Variants in PDLIM4 observed in about 807,000 individuals in gnomAD.
PDLIM4 encodes the protein PDZ and LIM domain protein 4.
Under a neutral mutation model 31.3 loss-of-function variants are expected in PDLIM4, and 19 were observed. The observed-to-expected ratio is 0.61, with a 90% CI of 0.42 to 0.89. PDLIM4 has a LOEUF of 0.89. Among genes scored for constraint, PDLIM4 ranks in the 40% least tolerant of loss-of-function variants. The probability of loss-of-function intolerance (pLI) is 0.00; values close to 1 mark genes in which losing one functional copy is unlikely to be tolerated. For synonymous variants in PDLIM4, 176 were observed against 190.1 expected (o/e 0.93, Z 0.61); for missense variants, 442 against 461.1 (o/e 0.96, Z 0.38).
chr5:132,260,673 G>T (rs966084058), intron 1 of PDLIM4, among the ~76,000 whole-genome samples: 1 of 152,180 alleles, frequency 6.6e-6, no homozygotes, highest in Non-Finnish European at 1.5e-5. Flanking sequence ...GAATCAGGTG[G>T]CCTGGATTGA....
At chr5:132,268,045 C>A (rs1756529204) in intron 3 of PDLIM4, among the ~76,000 whole-genome samples, 1 of 152,134 alleles carries the variant, frequency 6.6e-6, no homozygotes, top group Non-Finnish European at 1.5e-5. Context: ...GTTCAGTCTT[C>A]CAGGAGAGGC....
intron 1 of PDLIM4, 81 bp from the exon 2 acceptor site, chr5:132,262,528 A>G: frequency 7.7e-7 from 1 of 1,303,552 alleles, no homozygotes; most frequent in East Asian, 2.8e-5. Flanking sequence ...CTAGGTTCTG[A>G]GGTTGGAGGA....
In PDLIM4 at chr5:132,257,725, C is replaced by G. The variant is rs775082734; in HGVS notation, c.-10C>G. The G allele has an allele frequency of 1.6e-5, 24 of 1,464,758 alleles. No homozygotes were observed. In the South Asian group the frequency reaches 2.8e-4, roughly 17 times the overall value. 90.7% of individuals were successfully genotyped at this position (1,464,758 alleles called of 1,614,324 possible). On this transcript the variant is annotated 5_prime_UTR_variant, in exon 1 of 7. Coordinates refer to ENST00000253754, the MANE Select transcript of PDLIM4 (RefSeq NM_003687.4). The surrounding 1 kb of genome is among the most constrained non-coding windows in gnomAD (Gnocchi z 4.3). ...TCCGGCTCAGGCTCCGGCTGCGGCT[C>G]CAGCCCGCGATGCCCCATTCCGTGA...
At position 132,262,772 on chromosome 5, in the gene PDLIM4, TG is replaced by T. The variant is rs1295040484; in HGVS notation, c.245+15del. ...CTGTCTGTGAGCAGGTATGCACAGG[TG>T]GGCTGGGCTGGGAGGATGGAAGGAC... On this transcript the variant is annotated intron_variant, in intron 2 of 6. Coordinates refer to ENST00000253754, the MANE Select transcript of PDLIM4 (RefSeq NM_003687.4). 15 of 1,603,902 alleles carry T rather than the reference TG, an allele frequency of 9.4e-6. No homozygotes were observed. The highest frequency in any genetic ancestry group is 1.3e-5 in the Non-Finnish European group (15 of 1,173,608).
chr5:132,262,314 T>G (rs979500130), intron 1 of PDLIM4, among the ~76,000 whole-genome samples: 2 of 152,198 alleles, frequency 1.3e-5, no homozygotes, highest in Non-Finnish European at 2.9e-5. Flanking sequence ...TGCATGTCCT[T>G]GGGCACATAC....
chr5:132,258,434 C>T (rs1245547589), intron 1 of PDLIM4, among the ~76,000 whole-genome samples: 5 of 152,214 alleles, frequency 3.3e-5, no homozygotes, highest in Non-Finnish European at 5.9e-5. Flanking sequence ...TGAGACCCCT[C>T]CCCACAAGAT....
chr5:132,270,048 G>T (rs1393225646), intron 3 of PDLIM4, among the ~76,000 whole-genome samples: 1 of 152,198 alleles, frequency 6.6e-6, no homozygotes, highest in East Asian at 1.9e-4. Context: ...GCTGTGGGGT[G>T]CTTGTGTGCA....
At chr5:132,261,207 A>G (rs932563479) in intron 1 of PDLIM4, among the ~76,000 whole-genome samples, 3 of 152,192 alleles carry the variant, frequency 2.0e-5, no homozygotes, top group African/African-American at 7.2e-5. Flanking sequence ...GGATGGTGCC[A>G]AGTGGGTGTC....
intron 2 of PDLIM4, among the ~76,000 whole-genome samples, chr5:132,266,074 T>C (rs1194744715): frequency 6.6e-6 from 1 of 152,114 alleles, no homozygotes; most frequent in Non-Finnish European, 1.5e-5. Flanking sequence ...GCCCAGAGGA[T>C]GCGTGGATAG....
At chr5:132,271,940 C>T (rs1056815475) in intron 6 of PDLIM4, 32 bp downstream of exon 6, 1 of 1,591,270 alleles carries the variant, frequency 6.3e-7, no homozygotes, top group Admixed American at 1.7e-5. Flanking sequence ...CCCTCCCGGA[C>T]CCTAGCCTTC....
At chr5:132,262,911 C>A in intron 2 of PDLIM4, 151 bp downstream of exon 2, 1 of 615,868 alleles carries the variant, frequency 1.6e-6, no homozygotes, top group South Asian at 2.3e-5. Flanking sequence ...GTAGCACTTT[C>A]ATGGGGGCCT....
chr5:132,266,518 C>G lies in PDLIM4; in HGVS notation c.300C>G (p.His100Gln). The change falls in exon 3 of 7, where the codon CAC becomes CAG. Residue 100 changes from histidine (H) to glutamine (Q), a missense_variant. By Grantham distance (24) the His-to-Gln change is conservative (BLOSUM62 0). Transcript: ENST00000253754. ...SAPDDSKAQA[H>Q]RIHIDPEIQD... ...CTGATGACAGCAAGGCTCAGGCACA[C>G]AGGATCCACATCGATCCTGAGATCC... is the stretch of plus-strand genomic sequence containing the variant. The G allele has an allele frequency of 6.2e-7, 1 of 1,613,094 alleles. No homozygotes were observed. Among genetic ancestry groups the G allele is most frequent in the Non-Finnish European group, 8.5e-7 (1 of 1,179,250 alleles).
At chr5:132,267,037 C>T (rs1161468386) in intron 3 of PDLIM4, among the ~76,000 whole-genome samples, 2 of 152,248 alleles carry the variant, frequency 1.3e-5, no homozygotes, top group Non-Finnish European at 2.9e-5. Context: ...GCAGGCCTGT[C>T]TGCCCAGTCA....
At position 132,271,333 on chromosome 5, in the gene PDLIM4, C is replaced by T; in HGVS notation, c.537C>T (p.Ser179=). 6.3e-7 allele frequency: 1 copy of T among 1,598,554 alleles called. No individual in the cohort carries two copies. Among genetic ancestry groups the T allele is most frequent in the Non-Finnish European group, 8.5e-7 (1 of 1,174,174 alleles). Residue 179 remains serine (S), a synonymous_variant, in exon 5 of 7, where the codon AGC becomes AGT. Coordinates refer to ENST00000253754, the MANE Select transcript of PDLIM4 (RefSeq NM_003687.4). ...SADPARGLPR[S]RDCRVDLGSE... ...ACCCAGCCAGAGGCCTCCCGCGGAGCCGGGACTGCAGAGTCGACCTGGGCT... is the reference window on the plus strand; with the variant it reads ...ACCCAGCCAGAGGCCTCCCGCGGAGTCGGGACTGCAGAGTCGACCTGGGCT...
intron 5 of PDLIM4, 40 bp from the exon 6 acceptor site, chr5:132,271,751 C>A: frequency 7.3e-7 from 1 of 1,361,748 alleles, no homozygotes; most frequent in Non-Finnish European, 1.1e-6. Context: ...GAGTTCTGAC[C>A]TCCTCACCCC....
intron 1 of PDLIM4, among the ~76,000 whole-genome samples, chr5:132,259,765 C>T (rs775442686): frequency 1.4e-4 from 22 of 152,136 alleles, no homozygotes; most frequent in Middle Eastern, 3.2e-3. Context: ...GCTATCGGCC[C>T]GGCAGGGCTG....
intron 2 of PDLIM4, 45 bp from the exon 3 acceptor site, chr5:132,266,418 TG>T: frequency 7.5e-7 from 1 of 1,328,860 alleles, no homozygotes; most frequent in Non-Finnish European, 1.1e-6. Context: ...CCAGGCATGG[TG>T]GGCGTGGTAG....
intron 2 of PDLIM4, among the ~76,000 whole-genome samples, chr5:132,264,716 A>G (rs1275747700): frequency 2.0e-5 from 3 of 152,042 alleles, no homozygotes; most frequent in African/African-American, 7.3e-5. Flanking sequence ...CTTGCCTGCT[A>G]TGCCAGGACC....
chr5:132,271,220 T>C, intron 4 of PDLIM4, 83 bp from the exon 5 acceptor site: 1 of 1,505,254 alleles, frequency 6.6e-7, no homozygotes, highest in East Asian at 2.3e-5. Context: ...GCATTCTGAC[T>C]CATAAGCCTT....
Sources: allele counts gnomAD v4.1 joint callset (sites outside exome capture counted in the v4.1 genomes callset), GRCh38; gene constraint gnomAD v4.1.1; non-coding constraint Gnocchi (gnomAD v3.1); transcripts MANE v1.5; gene names NCBI Gene and HGNC (gene_info 2026-07-23, HGNC 2026-07-21).